Variants in PAX7 observed in about 807,000 individuals in gnomAD.
PAX7 encodes paired box protein Pax-7.
Under a neutral mutation model 50.7 loss-of-function variants are expected in PAX7, and 18 were observed. The observed-to-expected ratio is 0.36, with a 90% CI of 0.25 to 0.53. PAX7 has a LOEUF of 0.53. Among genes scored for constraint, PAX7 ranks in the 20% least tolerant of loss-of-function variants. The pLI is 0.93. For synonymous variants in PAX7, 310 were observed against 290.4 expected, an observed-to-expected ratio of 1.07 and a Z score of -0.69; for missense variants, 644 against 702.9, an observed-to-expected ratio of 0.92 and a Z score of 0.95.
At chr1:18,640,060 C>T (rs1031080081) in intron 4 of PAX7, among the ~76,000 whole-genome samples, 26 of 151,404 alleles carry the variant, frequency 1.7e-4, no homozygotes, top group African/African-American at 6.3e-4. Context: ...TGTGAAAGAC[C>T]ATCTGAGGTG....
rs1199057539 is a variant in PAX7, at chr1:18,636,061, G to A, written c.452-176G>A. Among the ~76,000 whole-genome samples, 1 of 152,196 alleles carries A rather than the reference G, an allele frequency of 6.6e-6. No individual in the cohort carries two copies. Among genetic ancestry groups the A allele is most frequent in the Non-Finnish European group, 1.5e-5 (1 of 68,028 alleles). On this transcript the variant is annotated intron_variant, in intron 3 of 8. Coordinates refer to ENST00000420770, the MANE Select transcript of PAX7 (RefSeq NM_001135254.2). This position sits in a 1 kb window ranked among gnomAD's most constrained non-coding sequence, Gnocchi z 5.1. Reference sequence around the variant, plus strand: ...CGGGGTGTGAGTCAGGCTTCTCCAAGTGGATGCTGGTTATGGAGTACGTGT... The same window carrying A: ...CGGGGTGTGAGTCAGGCTTCTCCAAATGGATGCTGGTTATGGAGTACGTGT...
intron 7 of PAX7, among the ~76,000 whole-genome samples, chr1:18,712,611 C>T (rs1037661702): frequency 2.6e-5 from 4 of 152,138 alleles, no homozygotes; most frequent in Non-Finnish European, 4.4e-5. Flanking sequence ...GGAGGCCTGG[C>T]GGATTGCCTG....
intron 4 of PAX7, among the ~76,000 whole-genome samples, chr1:18,690,438 G>A (rs72650320): frequency 0.11 from 16,537 of 152,242 alleles, 1,067 homozygotes; most frequent in Non-Finnish European, 0.14. Context: ...GCTGGGAGAT[G>A]CCCTGCTAGC....
At chr1:18,693,077 G>A (rs1454013842) in intron 5 of PAX7, among the ~76,000 whole-genome samples, 6 of 152,150 alleles carry the variant, frequency 3.9e-5, no homozygotes, top group East Asian at 1.9e-4. Flanking sequence ...GGGACAAGTC[G>A]TGATGAACGG....
chr1:18,631,739 G>T, intron 1 of PAX7, 51 bp downstream of exon 1: 2 of 1,471,582 alleles, frequency 1.4e-6, no homozygotes, highest in Admixed American at 1.8e-5. Flanking sequence ...CGGAACTCGG[G>T]GTCCTTGGAG....
chr1:18,701,470 G>A (rs1010541196), intron 6 of PAX7, among the ~76,000 whole-genome samples: 35 of 151,958 alleles, frequency 2.3e-4, no homozygotes, highest in Non-Finnish European at 3.8e-4. Context: ...GCACGTGTGT[G>A]TGTACTTGTT....
Position 18,631,525 on chromosome 1 carries a change from A to C in PAX7, c.-79A>C. 8 of 1,155,118 alleles carry C rather than the reference A, an allele frequency of 6.9e-6. No individual in the cohort carries two copies. The highest frequency in any genetic ancestry group is 1.5e-5 in the African/African-American group (1 of 65,954). The allele number at this position is 1,155,118 out of a possible 1,614,324, so 71.6% of individuals were successfully genotyped here. A position where few individuals can be genotyped will look rare whatever the true frequency, so the allele number is the denominator to read the frequency against. ...AAGAAGACGAAGAAGACGGAAAGAA[A>C]GAGATCGCAGCAGGGGTGAAGGGAG... On this transcript the variant is annotated 5_prime_UTR_variant, in exon 1 of 9. Coordinates refer to ENST00000420770, the MANE Select transcript of PAX7 (RefSeq NM_001135254.2).
At chr1:18,638,076 G>T (rs1243685827) in intron 4 of PAX7, among the ~76,000 whole-genome samples, 1 of 152,224 alleles carries the variant, frequency 6.6e-6, no homozygotes, top group South Asian at 2.1e-4. Flanking sequence ...ATCTTTCCTG[G>T]ACAAATAATC....
intron 7 of PAX7, among the ~76,000 whole-genome samples, chr1:18,712,312 T>TCC (rs140630764): frequency 7.9e-5 from 12 of 151,888 alleles, no homozygotes; most frequent in African/African-American, 2.9e-4. Context: ...CTCAGTTATT[T>TCC]CCCCCCGGCA....
At position 18,654,329 on chromosome 1, in the gene PAX7, G is replaced by A. The variant is rs997366052; in HGVS notation, c.586+17958G>A. On this transcript the variant is annotated intron_variant, in intron 4 of 8. Coordinates refer to ENST00000420770, the MANE Select transcript of PAX7 (RefSeq NM_001135254.2). ...CAGTGATTAGGGGAGAGTTAAAGAA[G>A]GGGAGGGGTGTCCCCTCTCAGGGGG... Among the ~76,000 whole-genome samples, 4 of 152,216 alleles carry A rather than the reference G, an allele frequency of 2.6e-5. No individual in the cohort carries two copies. In the East Asian group the frequency reaches 7.7e-4, roughly 29 times the overall value.
intron 4 of PAX7, among the ~76,000 whole-genome samples, chr1:18,680,928 G>C (rs529235610): frequency 6.6e-6 from 1 of 152,174 alleles, no homozygotes; most frequent in Non-Finnish European, 1.5e-5. Flanking sequence ...GAGGCTTTGG[G>C]AGGCTAAGGT....
rs890603714 is a variant in PAX7 at position 18,631,430 on chromosome 1, T to A, written c.-174T>A. The A allele has an allele frequency of 6.6e-6, 4 of 607,866 alleles. No homozygotes were observed. The highest frequency in any genetic ancestry group is 8.9e-6 in the Non-Finnish European group (3 of 338,528). The allele number at this position is 607,866 out of a possible 1,614,324, so 37.7% of individuals were successfully genotyped here. A position where few individuals can be genotyped will look rare whatever the true frequency, so the allele number is the denominator to read the frequency against. ...CCCCTCCCCAGCTTCTGGACGCGTT[T>A]GACTGCAGCCAGGGGTGGGGGGTGG... On this transcript the variant is annotated 5_prime_UTR_variant, in exon 1 of 9. Transcript: ENST00000420770.
At chr1:18,645,273 G>C (rs1390422493) in intron 4 of PAX7, among the ~76,000 whole-genome samples, 1 of 152,258 alleles carries the variant, frequency 6.6e-6, no homozygotes, top group Non-Finnish European at 1.5e-5. Context: ...CCACGGGTTC[G>C]AGGGAGAGGC....
intron 4 of PAX7, among the ~76,000 whole-genome samples, chr1:18,689,839 C>T (rs1373184013): frequency 6.6e-6 from 1 of 152,260 alleles, no homozygotes; most frequent in Non-Finnish European, 1.5e-5. Context: ...CTCCACTTAA[C>T]ATGTAAGGCA....
intron 4 of PAX7, among the ~76,000 whole-genome samples, chr1:18,654,486 G>T (rs57265237): frequency 0.02 from 3,012 of 152,264 alleles, 108 homozygotes; most frequent in African/African-American, 0.068. Flanking sequence ...AAACAAATCT[G>T]GTGCTCATGT....
At position 18,634,325 on chromosome 1, in the gene PAX7, C is replaced by A. The variant is rs2088108600; in HGVS notation, c.108C>A (p.Gly36=). Residue 36 remains glycine, a synonymous_variant, in exon 2 of 9, where the codon GGC becomes GGA. Transcript: ENST00000420770. This position sits in a 1 kb window ranked among gnomAD's most constrained non-coding sequence, Gnocchi z 4.0. ...PLEVSTPLGQ[G]RVNQLGGVFI... ...CAGTGTCCACCCCGCTTGGCCAAGG[C>A]CGGGTCAATCAGCTGGGAGGGGTCT... The A allele has an allele frequency of 1.2e-6, 2 of 1,613,760 alleles. No individual in the cohort carries two copies. Among genetic ancestry groups the A allele is most frequent in the African/African-American group, 1.3e-5 (1 of 74,938 alleles).
intron 4 of PAX7, among the ~76,000 whole-genome samples, chr1:18,638,691 T>C (rs556164866): frequency 6.6e-6 from 1 of 152,312 alleles, no homozygotes; most frequent in Admixed American, 6.5e-5. Flanking sequence ...AGCATAGATG[T>C]GCAGGGAGTG....
intron 4 of PAX7, among the ~76,000 whole-genome samples, chr1:18,672,970 C>T (rs576728372): frequency 5.3e-5 from 8 of 152,188 alleles, no homozygotes; most frequent in South Asian, 2.1e-4. Flanking sequence ...GGCGCTGATG[C>T]GGGGAAGAGG....
chr1:18,735,346 GGGCCA>G lies in PAX7; in HGVS notation c.1156-284_1156-280del, dbSNP rs959937258. Reference sequence around the variant, plus strand: ...ATAGACAGGCCCAGAGTGACCCTTAGGGCCAGACCCTGGAGCTAGAGAGGCGAGTA... The same window carrying G: ...ATAGACAGGCCCAGAGTGACCCTTAGGACCCTGGAGCTAGAGAGGCGAGTA... On this transcript the variant is annotated intron_variant, in intron 7 of 8. Coordinates refer to ENST00000420770, the MANE Select transcript of PAX7 (RefSeq NM_001135254.2). This position sits in a 1 kb window ranked among gnomAD's most constrained non-coding sequence, Gnocchi z 4.0. 1.6e-4 allele frequency among the ~76,000 whole-genome samples: 25 copies of G among 152,106 alleles called. No individual in the cohort carries two copies. The highest frequency in any genetic ancestry group is 7.4e-5 in the Non-Finnish European group (5 of 68,024).
Sources: gnomAD v4.1 joint callset for allele counts (sites outside exome capture counted in the v4.1 genomes callset) on GRCh38, gnomAD v4.1.1 for gene constraint, Gnocchi (gnomAD v3.1) non-coding constraint, MANE v1.5 for transcripts, NCBI Gene and HGNC (gene_info 2026-07-23, HGNC 2026-07-21) for gene names.